The following GALNT11 variants were observed in gnomAD, a reference collection of about 807,000 sequenced individuals.
The protein encoded by GALNT11 is polypeptide N-acetylgalactosaminyltransferase 11.
Under a neutral mutation model 72.7 loss-of-function variants are expected in GALNT11, and 47 were observed. That is an observed-to-expected ratio of 0.65 (90% CI 0.51 to 0.82). The LOEUF (loss-of-function observed/expected upper bound fraction) is 0.82. Among genes scored for constraint, GALNT11 ranks in the 40% least tolerant of loss-of-function variants. The pLI, the probability that GALNT11 is intolerant of heterozygous loss-of-function variation, is 0.00. For missense variants in GALNT11, 677 were observed against 778.4 expected (o/e 0.87, Z 1.55); for synonymous variants, 270 against 286.6 (o/e 0.94, Z 0.58).
Position 152,074,774 on chromosome 7 carries a change from G to T in GALNT11, c.-38-19416G>T, listed in dbSNP as rs964868090. 2.0e-5 allele frequency among the ~76,000 whole-genome samples: 3 copies of T among 152,138 alleles called. No individual in the cohort carries two copies. In the South Asian group the frequency reaches 6.2e-4, roughly 31 times the overall value. ...TGATCTTCACAAGTATTTCTCTAGC[G>T]TTAGAGCTCTTCTCCCCTGTTATCT... On this transcript the variant is annotated intron_variant, in intron 1 of 11. Transcript: ENST00000430044.
chr7:152,118,686 C>T lies in GALNT11; in HGVS notation c.1461C>T (p.His487=). The change falls in exon 10 of 12, where the codon CAC becomes CAT. Residue 487 remains histidine, a synonymous_variant. Coordinates refer to ENST00000430044, the MANE Select transcript of GALNT11 (RefSeq NM_022087.4). ...PKVLQRGRLY[H]LQTNKCLVAQ... ...TGTGCCTTCTCTTACAGCTCTATCA[C>T]CTCCAGACCAACAAATGCCTGGTGG... The T allele has an allele frequency of 6.2e-7, 1 of 1,610,260 alleles. No homozygotes were observed. Among genetic ancestry groups the T allele is most frequent in the Non-Finnish European group, 8.5e-7 (1 of 1,178,398 alleles).
intron 1 of GALNT11, among the ~76,000 whole-genome samples, chr7:152,082,276 G>A (rs1029981842): frequency 3.3e-5 from 5 of 152,178 alleles, no homozygotes; most frequent in Admixed American, 6.5e-5. Context: ...TCTGCAGAAA[G>A]GGTACACTTA....
At chr7:152,071,844 C>G (rs2084667846) in intron 1 of GALNT11, among the ~76,000 whole-genome samples, 1 of 152,066 alleles carries the variant, frequency 6.6e-6, no homozygotes, top group Non-Finnish European at 1.5e-5. Context: ...CTGCAACAGA[C>G]CATTATTCTG....
intron 1 of GALNT11, among the ~76,000 whole-genome samples, chr7:152,081,872 C>T (rs189206864): frequency 9.9e-5 from 15 of 152,168 alleles, no homozygotes; most frequent in Admixed American, 5.2e-4. Context: ...TCTTTTTTCA[C>T]CTGACAACAT....
chr7:152,085,882 G>GTTTTTGT (rs1231968407), intron 1 of GALNT11, among the ~76,000 whole-genome samples: 1 of 148,944 alleles, frequency 6.7e-6, no homozygotes, highest in Non-Finnish European at 1.5e-5. Flanking sequence ...CACCTGGCTA[G>GTTTTTGT]TTTTTGTTTT....
intron 1 of GALNT11, among the ~76,000 whole-genome samples, chr7:152,074,036 G>A (rs10262728): frequency 0.16 from 24,121 of 151,832 alleles, 4,653 homozygotes; most frequent in African/African-American, 0.46. Context: ...TTTATTCTGG[G>A]TATTAATCCC....
At position 152,117,361 on chromosome 7, in the gene GALNT11, C is replaced by T. The variant is rs761571184; in HGVS notation, c.1438C>T (p.Leu480Phe). 1 of 1,614,188 alleles carries T rather than the reference C, an allele frequency of 6.2e-7. No individual in the cohort carries two copies. Among genetic ancestry groups the T allele is most frequent in the Non-Finnish European group, 8.5e-7 (1 of 1,180,030 alleles). ...VNRGPKRPKV[L>F]QRGRLYHLQT... The stretch of plus-strand genomic sequence containing the variant: ...TAGAGGGCCAAAACGACCCAAAGTC[C>T]TTCAACGTGGAAGGGTAAGAAAGCT... Residue 480 changes from leucine to phenylalanine, a missense_variant, in exon 9 of 12, where the codon CTT becomes TTT. Transcript: ENST00000430044.
chr7:152,034,251 CT>C (rs2082447400), intron 1 of GALNT11, among the ~76,000 whole-genome samples: 3 of 152,146 alleles, frequency 2.0e-5, no homozygotes, highest in Non-Finnish European at 4.4e-5. Flanking sequence ...TGGGGGTAAG[CT>C]GAGAGGTCCT....
intron 1 of GALNT11, chr7:152,079,325 A>G (rs535893123): frequency 6.6e-6 from 1 of 152,342 alleles, no homozygotes; most frequent in South Asian, 2.1e-4. Context: ...TTACTTGGGC[A>G]TTCATTCAAA....
chr7:152,030,991 T>TG (rs1341784662), intron 1 of GALNT11, among the ~76,000 whole-genome samples: 1 of 152,270 alleles, frequency 6.6e-6, no homozygotes, highest in Non-Finnish European at 1.5e-5. Flanking sequence ...TGGTATTTAA[T>TG]GGGGGTTCCC....
At chr7:152,033,292 C>T (rs750646412) in intron 1 of GALNT11, among the ~76,000 whole-genome samples, 4 of 152,008 alleles carry the variant, frequency 2.6e-5, no homozygotes, top group South Asian at 2.1e-4. Context: ...CAAGCCCTAC[C>T]GGGTGATTGG....
chr7:152,059,909 C>T (rs1343592387), intron 1 of GALNT11, among the ~76,000 whole-genome samples: 1 of 152,168 alleles, frequency 6.6e-6, no homozygotes, highest in Non-Finnish European at 1.5e-5. Context: ...AGAGAGTCAC[C>T]CTATTTGGAA....
chr7:152,045,436 C>T (rs2083074294), intron 1 of GALNT11, among the ~76,000 whole-genome samples: 2 of 152,102 alleles, frequency 1.3e-5, no homozygotes, highest in Admixed American at 6.5e-5. Context: ...TGCTGGGAGA[C>T]TTTTTATTAC....
At chr7:152,026,007 G>C (rs902901036) in intron 1 of GALNT11, 123 bp downstream of exon 1, 1 of 153,370 alleles carries the variant, frequency 6.5e-6, no homozygotes, top group Non-Finnish European at 1.5e-5. Flanking sequence ...GCTCCCCGCG[G>C]GTCCTGGGCT....
rs150144893 is a variant in GALNT11, at chr7:152,094,315, T to C, written c.88T>C (p.Phe30Leu). Residue 30 changes from phenylalanine (F) to leucine (L), a missense_variant, in exon 2 of 12, where the codon TTC becomes CTC. Phe to Leu is a conservative substitution (Grantham distance 22). Transcript: ENST00000430044. The surrounding 1 kb of genome is among the most constrained non-coding windows in gnomAD (Gnocchi z 4.3). ...AGTTTTGCTTTTTGTTTATTTCAACTTCAGTGAAGTGACTCAGCCACTTAA... is the reference window on the plus strand; with the variant it reads ...AGTTTTGCTTTTTGTTTATTTCAACCTCAGTGAAGTGACTCAGCCACTTAA... ...WTVLLFVYFN[F>L]SEVTQPLKNV... is the part of the protein sequence containing the mutation. 24 of 1,614,158 alleles carry C rather than the reference T, an allele frequency of 1.5e-5. No homozygotes were observed. Among genetic ancestry groups the C allele is most frequent in the Non-Finnish European group, 2.0e-5 (24 of 1,180,016 alleles).
At chr7:152,055,092 A>G (rs558353177) in intron 1 of GALNT11, among the ~76,000 whole-genome samples, 1 of 152,268 alleles carries the variant, frequency 6.6e-6, no homozygotes, top group South Asian at 2.1e-4. Flanking sequence ...TTCCATTGGT[A>G]TGTGTTCAGA....
chr7:152,040,649 C>T (rs1483205704), intron 1 of GALNT11, among the ~76,000 whole-genome samples: 1 of 152,132 alleles, frequency 6.6e-6, no homozygotes, highest in Non-Finnish European at 1.5e-5. Flanking sequence ...ATAAAGTAAT[C>T]AGTTGTTCAT....
intron 1 of GALNT11, among the ~76,000 whole-genome samples, chr7:152,043,719 C>T (rs182364116): frequency 1.3e-5 from 2 of 152,272 alleles, no homozygotes; most frequent in East Asian, 3.9e-4. Flanking sequence ...GGTCAGGCTA[C>T]TCTTTTTCTT....
chr7:152,058,880 T>C (rs2083843851), intron 1 of GALNT11, among the ~76,000 whole-genome samples: 1 of 152,198 alleles, frequency 6.6e-6, no homozygotes, highest in Non-Finnish European at 1.5e-5. Flanking sequence ...AAACCATTTA[T>C]TTGCACATCC....
Sources: gnomAD v4.1 joint callset for allele counts (sites outside exome capture counted in the v4.1 genomes callset) on GRCh38, gnomAD v4.1.1 for gene constraint, Gnocchi (gnomAD v3.1) non-coding constraint, MANE v1.5 for transcripts, NCBI Gene and HGNC (gene_info 2026-07-23, HGNC 2026-07-21) for gene names.